Variants in MYLIP observed in about 807,000 individuals in gnomAD.
MYLIP encodes the protein E3 ubiquitin-protein ligase MYLIP.
MYLIP carries 26 observed loss-of-function variants against 45.8 expected under a neutral mutation model. The ratio of observed to expected loss-of-function variants is 0.57; its 90% CI spans 0.42 to 0.79. MYLIP has a LOEUF of 0.79. Among genes scored for constraint, MYLIP ranks in the 30% least tolerant of loss-of-function variants. The pLI, the probability that MYLIP is intolerant of heterozygous loss-of-function variation, is 0.00. For synonymous variants in MYLIP, 213 were observed against 218.1 expected, an observed-to-expected ratio of 0.98 and a Z score of 0.21; for missense variants, 494 against 555.6, an observed-to-expected ratio of 0.89 and a Z score of 1.11.
At chr6:16,155,836 TG>T in the MYLIP span, among the ~76,000 whole-genome samples, 1 of 152,134 alleles carries the variant, frequency 6.6e-6, no homozygotes, top group Admixed American at 6.5e-5. Context: ...AACAGCTCAG[TG>T]GGCCCTCTGC....
chr6:16,156,503 C>CTTT, the MYLIP span, among the ~76,000 whole-genome samples: 1 of 152,260 alleles, frequency 6.6e-6, no homozygotes, highest in Admixed American at 6.5e-5. Context: ...ATGCAATTTG[C>CTTT]CAAGAGAAGG....
rs375904103 is a variant in MYLIP at position 16,130,779 on chromosome 6, T to A, written c.278+32T>A. 36 of 1,597,976 alleles carry A rather than the reference T, an allele frequency of 2.3e-5. No individual in the cohort carries two copies. The African/African-American group carries it at 3.4e-4, about 15-fold the overall frequency. On this transcript the variant is annotated intron_variant, in intron 2 of 6. Coordinates refer to ENST00000356840, the MANE Select transcript of MYLIP (RefSeq NM_013262.4). ...TGAGCTAAAATAAACCAATGTCAAA[T>A]TGACCTTTGGTTCCCTTTAGAAGGG...
chr6:16,145,186 G>T lies in MYLIP; in HGVS notation c.1117G>T (p.Val373Leu). Residue 373 changes from valine to leucine, a missense_variant, in exon 6 of 7, where the codon GTG becomes TTG. By Grantham distance (32) the Val-to-Leu change is conservative. Transcript: ENST00000356840. ...GGGCCTCAGCTGCCAGCAGACCCGG[G>T]TGCTGCAGGAGAAGCTACGCAAGCT... ...CEGLSCQQTR[V>L]LQEKLRKLKE... 1 of 1,614,198 alleles carries T rather than the reference G, an allele frequency of 6.2e-7. No individual in the cohort carries two copies. The highest frequency in any genetic ancestry group is 1.1e-5 in the South Asian group (1 of 91,084).
At chr6:16,143,629 C>T in intron 4 of MYLIP, 70 bp from the exon 5 acceptor site, 1 of 1,541,138 alleles carries the variant, frequency 6.5e-7, no homozygotes, top group Admixed American at 1.8e-5. Context: ...ATGGGGATCC[C>T]ACAAAGGCAC....
chr6:16,158,965 T>C, the MYLIP span, among the ~76,000 whole-genome samples: 1 of 152,232 alleles, frequency 6.6e-6, no homozygotes, highest in Admixed American at 6.5e-5. Flanking sequence ...CTTAACACTG[T>C]GCCCAGAATA....
At chr6:16,139,627 A>G (rs1759625312) in intron 2 of MYLIP, among the ~76,000 whole-genome samples, 1 of 152,260 alleles carries the variant, frequency 6.6e-6, no homozygotes, top group Non-Finnish European at 1.5e-5. Flanking sequence ...GCAACAGTGT[A>G]GTAAACCACG....
downstream of MYLIP, among the ~76,000 whole-genome samples, chr6:16,152,690 C>A (rs767030238): frequency 6.6e-4 from 101 of 152,326 alleles, no homozygotes; most frequent in Non-Finnish European, 7.9e-4. Context: ...CTAAGTTCTA[C>A]AATCAAAGCA....
Position 16,129,798 on chromosome 6 carries a change from G to A in MYLIP, c.87+389G>A, listed in dbSNP as rs1036078305. 6.6e-6 allele frequency among the ~76,000 whole-genome samples: 1 copy of A among 152,256 alleles called. No homozygotes were observed. Among genetic ancestry groups the A allele is most frequent in the Non-Finnish European group, 1.5e-5 (1 of 68,034 alleles). On this transcript the variant is annotated intron_variant, in intron 1 of 6. Coordinates refer to ENST00000356840, the MANE Select transcript of MYLIP (RefSeq NM_013262.4). The surrounding 1 kb of genome is among the most constrained non-coding windows in gnomAD (Gnocchi z 5.1). ...GCCTGGCAGTGCCACCCGCGTGCCA[G>A]GATGGGATGGAGTGGCTCGAAGCAG...
the MYLIP span, chr6:16,163,816 T>C: frequency 6.6e-6 from 1 of 152,262 alleles, no homozygotes; most frequent in Non-Finnish European, 1.5e-5. Context: ...TGAAGTCCCT[T>C]GTACCTTGTT....
rs779459259 is a variant in MYLIP, at chr6:16,141,723, C to A, written c.377C>A (p.Thr126Asn). The A allele has an allele frequency of 1.9e-6, 3 of 1,614,048 alleles. No homozygotes were observed. Among genetic ancestry groups the A allele is most frequent in the Non-Finnish European group, 2.5e-6 (3 of 1,180,026 alleles). ...GAACTCAGTGCCCTCCTGGCCCAGA[C>A]CAAGTTTGGAGACTACAACCAGAAC... ...AVELSALLAQ[T>N]KFGDYNQNTA... Residue 126 changes from threonine (T) to asparagine (N), a missense_variant, in exon 3 of 7, where the codon ACC becomes AAC. Transcript: ENST00000356840.
rs1214159899 is a variant in MYLIP, at chr6:16,141,046, G to A, written c.279-579G>A. Among the ~76,000 whole-genome samples the A allele has an allele frequency of 3.3e-5, 5 of 152,188 alleles. No homozygotes were observed. The East Asian group carries it at 5.8e-4, about 18-fold the overall frequency. ...AGGACAAAGAGTCCAAAGTCAGTCCGTGGTCTCCATTCGGAGAAAAAGGGC... is the reference window on the plus strand; with the variant it reads ...AGGACAAAGAGTCCAAAGTCAGTCCATGGTCTCCATTCGGAGAAAAAGGGC... On this transcript the variant is annotated intron_variant, in intron 2 of 6. Transcript: ENST00000356840.
the MYLIP span, among the ~76,000 whole-genome samples, chr6:16,158,532 A>C: frequency 6.6e-6 from 1 of 152,246 alleles, no homozygotes; most frequent in Admixed American, 6.5e-5. Flanking sequence ...AGTATATTCA[A>C]GGCATATATT....
chr6:16,135,028 C>A (rs1457683181), intron 2 of MYLIP, among the ~76,000 whole-genome samples: 1 of 152,164 alleles, frequency 6.6e-6, no homozygotes, highest in Non-Finnish European at 1.5e-5. Context: ...TGTAGGGACA[C>A]TAGGTGTGTT....
the MYLIP span, among the ~76,000 whole-genome samples, chr6:16,155,967 C>T: frequency 8.5e-5 from 13 of 152,160 alleles, no homozygotes; most frequent in African/African-American, 1.9e-4. Context: ...TCAGGTAGCA[C>T]GAACAAATTG....
the MYLIP span, among the ~76,000 whole-genome samples, chr6:16,153,818 T>A: frequency 6.6e-6 from 1 of 152,214 alleles, no homozygotes; most frequent in East Asian, 1.9e-4. Context: ...GAAATGGGAC[T>A]CGGGTTACCT....
chr6:16,135,064 C>T (rs1421215959), intron 2 of MYLIP, among the ~76,000 whole-genome samples: 2 of 152,142 alleles, frequency 1.3e-5, no homozygotes, highest in African/African-American at 4.8e-5. Flanking sequence ...CCCACTGTGG[C>T]CTGTTCCCAG....
chr6:16,147,029 TAA>T lies in MYLIP; in HGVS notation c.*280_*281del, dbSNP rs1031047869. On this transcript the variant is annotated 3_prime_UTR_variant, in exon 7 of 7. Transcript: ENST00000356840. ...TTTTATGATCTAGTAAAGGAATAGG[TAA>T]AGTCTTTGATGTCAGTGAAGTGGCA... is the stretch of plus-strand genomic sequence containing the variant. 7.2e-5 allele frequency: 20 copies of T among 277,828 alleles called. No individual in the cohort carries two copies. The highest frequency in any genetic ancestry group is 4.3e-5 in the African/African-American group (2 of 46,744). The allele number at this position is 277,828 out of a possible 1,614,324, so 17.2% of individuals were successfully genotyped here. A position where few individuals can be genotyped will look rare whatever the true frequency, so the allele number is the denominator to read the frequency against.
intron 2 of MYLIP, among the ~76,000 whole-genome samples, chr6:16,137,049 T>A (rs895642279): frequency 3.3e-5 from 5 of 152,202 alleles, no homozygotes; most frequent in African/African-American, 1.2e-4. Context: ...TTATCCACTT[T>A]CTTCTTTTGT....
chr6:16,149,943 T>G (rs1759857439), downstream of MYLIP, among the ~76,000 whole-genome samples: 1 of 152,174 alleles, frequency 6.6e-6, no homozygotes. Flanking sequence ...GCCACACATT[T>G]GAGATGCTTG....
Sources: allele counts gnomAD v4.1 joint callset (sites outside exome capture counted in the v4.1 genomes callset), GRCh38; gene constraint gnomAD v4.1.1; non-coding constraint Gnocchi (gnomAD v3.1); transcripts MANE v1.5; gene names NCBI Gene and HGNC (gene_info 2026-07-23, HGNC 2026-07-21).